TTC12: variants seen among roughly 807,000 people sequenced by gnomAD.
TTC12 encodes tetratricopeptide repeat protein 12.
A neutral mutation model predicts 90.1 loss-of-function variants in TTC12; 70 were observed. The observed-to-expected ratio is 0.78, with a 90% CI of 0.64 to 0.95. TTC12 has a LOEUF of 0.95. TTC12 is among the 40% of genes least tolerant of loss of function. TTC12 has a pLI of 0.00. For synonymous variants in TTC12, 296 were observed against 311.5 expected (o/e 0.95, Z 0.53); for missense variants, 819 against 846.1 (o/e 0.97, Z 0.40).
intron 13 of TTC12, among the ~76,000 whole-genome samples, chr11:113,345,027 C>A (rs1431300131): frequency 6.6e-6 from 1 of 152,090 alleles, no homozygotes; most frequent in East Asian, 1.9e-4. Context: ...TTTTTTAAAT[C>A]ATTTATTTAT....
chr11:113,335,742 AGTGT>A (rs1334992015), intron 8 of TTC12, among the ~76,000 whole-genome samples: 11 of 152,014 alleles, frequency 7.2e-5, no homozygotes, highest in Non-Finnish European at 1.0e-4. Context: ...TTTTTGTTGT[AGTGT>A]GTATCAGTTC....
At chr11:113,349,557 C>T (rs1949153591) in intron 13 of TTC12, among the ~76,000 whole-genome samples, 1 of 152,218 alleles carries the variant, frequency 6.6e-6, no homozygotes, top group Non-Finnish European at 1.5e-5. Context: ...AACCAGGTCT[C>T]ACAATTCTGT....
intron 12 of TTC12, among the ~76,000 whole-genome samples, chr11:113,343,157 G>A (rs1555146747): frequency 6.6e-6 from 1 of 152,116 alleles, no homozygotes; most frequent in African/African-American, 2.4e-5. Flanking sequence ...CATCTATTGT[G>A]GAGTTGAGAA....
intron 15 of TTC12, among the ~76,000 whole-genome samples, chr11:113,351,594 C>T (rs1198036894): frequency 1.3e-5 from 2 of 152,160 alleles, no homozygotes; most frequent in East Asian, 1.9e-4. Flanking sequence ...ACACTAAGTA[C>T]GACGTGCAAC....
intron 8 of TTC12, among the ~76,000 whole-genome samples, chr11:113,337,892 G>C (rs1948460188): frequency 6.6e-6 from 1 of 152,132 alleles, no homozygotes; most frequent in African/African-American, 2.4e-5. Context: ...AACAAAAATT[G>C]TTGCTAGATT....
intron 8 of TTC12, among the ~76,000 whole-genome samples, chr11:113,337,889 A>G (rs567426695): frequency 2.0e-4 from 31 of 152,214 alleles, no homozygotes; most frequent in African/African-American, 6.7e-4. Flanking sequence ...GCCAACAAAA[A>G]TTGTTGCTAG....
intron 2 of TTC12, among the ~76,000 whole-genome samples, chr11:113,318,989 C>T (rs1947123504): frequency 6.6e-6 from 1 of 151,992 alleles, no homozygotes; most frequent in African/African-American, 2.4e-5. Flanking sequence ...GCATCTCTAC[C>T]CCTTAAATGT....
intron 6 of TTC12, among the ~76,000 whole-genome samples, chr11:113,328,686 A>T (rs544039150): frequency 6.6e-6 from 1 of 152,282 alleles, no homozygotes; most frequent in South Asian, 2.1e-4. Context: ...ATGGAATTTT[A>T]GTATAATCAC....
At chr11:113,360,328 C>T (rs782190227) in intron 18 of TTC12, among the ~76,000 whole-genome samples, 9 of 151,832 alleles carry the variant, frequency 5.9e-5, no homozygotes, top group Non-Finnish European at 1.0e-4. Context: ...ATAATCGATC[C>T]GATCTGTCCT....
At chr11:113,364,696 T>A in intron 20 of TTC12, 139 bp from the exon 21 acceptor site, 1 of 666,648 alleles carries the variant, frequency 1.5e-6, no homozygotes, top group Non-Finnish European at 2.7e-6. Context: ...TGCTGATGAG[T>A]AAGTGAACAA....
At chr11:113,345,435 A>G (rs1211179419) in intron 13 of TTC12, among the ~76,000 whole-genome samples, 1 of 143,586 alleles carries the variant, frequency 7.0e-6, no homozygotes, top group African/African-American at 2.6e-5. Flanking sequence ...CTGAGGACCC[A>G]GCTCCGCTCT....
chr11:113,335,203 CAGTT>C (rs1252107162), intron 8 of TTC12, among the ~76,000 whole-genome samples, 166 bp downstream of exon 8: 1 of 152,094 alleles, frequency 6.6e-6, no homozygotes, highest in Non-Finnish European at 1.5e-5. Context: ...TTTTGGGTGT[CAGTT>C]AGTTCAACTC....
At chr11:113,323,255 G>A in intron 2 of TTC12, 33 bp from the exon 3 acceptor site, 1 of 1,502,708 alleles carries the variant, frequency 6.7e-7, no homozygotes, top group Non-Finnish European at 8.9e-7. Flanking sequence ...TGAATATCTT[G>A]TTTGATTAAG....
At chr11:113,360,051 CTTGTTTTGTT>C (rs71060300) in intron 18 of TTC12, 43 bp downstream of exon 18, 21 of 1,054,412 alleles carry the variant, frequency 2.0e-5, no homozygotes, top group East Asian at 9.4e-5. Flanking sequence ...TTCCATTGTT[CTTGTTTTGTT>C]TTGTTTTGTT....
downstream of TTC12, among the ~76,000 whole-genome samples, chr11:113,369,294 T>C (rs1950313326): frequency 6.6e-6 from 1 of 152,264 alleles, no homozygotes; most frequent in South Asian, 2.1e-4. Context: ...CAAATTTTCA[T>C]ATTTTTATGA....
intron 18 of TTC12, among the ~76,000 whole-genome samples, chr11:113,360,836 TC>T (rs1555154681): frequency 6.6e-6 from 1 of 152,172 alleles, no homozygotes; most frequent in East Asian, 1.9e-4. Flanking sequence ...TCTTTAAACG[TC>T]CCCAAAGTCA....
intron 13 of TTC12, among the ~76,000 whole-genome samples, chr11:113,348,085 A>T (rs1485375641): frequency 6.6e-6 from 1 of 152,190 alleles, no homozygotes; most frequent in East Asian, 1.9e-4. Flanking sequence ...GGCTTTCGTC[A>T]AGAGGCAAAG....
chr11:113,332,678 C>T (rs1948133244), intron 7 of TTC12, among the ~76,000 whole-genome samples: 1 of 152,176 alleles, frequency 6.6e-6, no homozygotes, highest in Admixed American at 6.5e-5. Flanking sequence ...GCTCTCAGAC[C>T]TACTTCCCCA....
chr11:113,364,736 G>C (rs768579420), intron 20 of TTC12, 99 bp from the exon 21 acceptor site: 85 of 903,772 alleles, frequency 9.4e-5, no homozygotes, highest in Non-Finnish European at 1.4e-4. Flanking sequence ...GGGGAAGCTC[G>C]GTGTCCGCTG....
Sources: gnomAD v4.1 joint callset for allele counts (sites outside exome capture counted in the v4.1 genomes callset) on GRCh38, gnomAD v4.1.1 for gene constraint, MANE v1.5 for transcripts, NCBI Gene and HGNC (gene_info 2026-07-23, HGNC 2026-07-21) for gene names.